VWDE: variants seen among roughly 807,000 people sequenced by gnomAD.
VWDE encodes the protein von Willebrand factor D and EGF domains, also known as von Willebrand factor D and EGF domain-containing protein.
Under a neutral mutation model 178.4 loss-of-function variants are expected in VWDE, and 207 were observed. That is an observed-to-expected ratio of 1.16 (90% confidence interval 1.04 to 1.30). The LOEUF is 1.30. VWDE is among the 50% of genes most tolerant of loss of function. The pLI, the probability that VWDE is intolerant of heterozygous loss-of-function variation, is 0.00. For synonymous variants in VWDE, 738 were observed against 651.4 expected (o/e 1.13, Z -2.02); for missense variants, 2,287 against 1,901.3 (o/e 1.20, Z -3.77).
intron 3 of VWDE, among the ~76,000 whole-genome samples, chr7:12,384,536 T>G (rs1287200911): frequency 1.3e-5 from 2 of 152,066 alleles, no homozygotes; most frequent in African/African-American, 2.4e-5. Flanking sequence ...TCATCAATTA[T>G]AACAAATGTA....
In VWDE at chr7:12,380,642, A is replaced by C. The variant is rs1054521024; in HGVS notation, c.633T>G (p.Ser211=). ...LIESRLFCRC[S]FDVPATKNSV... ...AGTTTTTTGTAGCGGGAACATCAAA[A>C]GAACACCTACAGAAAAGCCTGGACT... is the stretch of plus-strand genomic sequence containing the variant. Residue 211 remains serine (S), a synonymous_variant, in exon 5 of 29, where the codon TCT becomes TCG. Coordinates refer to ENST00000275358, the MANE Select transcript of VWDE (RefSeq NM_001135924.3). 4 of 1,552,162 alleles carry C rather than the reference A, an allele frequency of 2.6e-6. No homozygotes were observed. The highest frequency in any genetic ancestry group is 2.7e-5 in the African/African-American group (2 of 73,036).
At chr7:12,352,418 C>G in intron 18 of VWDE, among the ~76,000 whole-genome samples, 1 of 152,144 alleles carries the variant, frequency 6.6e-6, no homozygotes, top group African/African-American at 2.4e-5. Context: ...ACCAAAAGTC[C>G]TTTTGTATTA....
intron 13 of VWDE, among the ~76,000 whole-genome samples, chr7:12,361,850 G>T (rs1472062952): frequency 2.6e-5 from 4 of 151,882 alleles, no homozygotes; most frequent in Non-Finnish European, 5.9e-5. Flanking sequence ...GACACACAGT[G>T]GATTGATTTT....
At chr7:12,342,961 C>T in intron 22 of VWDE, 122 bp downstream of exon 22, 3 of 592,326 alleles carry the variant, frequency 5.1e-6, no homozygotes, top group South Asian at 2.3e-5. Flanking sequence ...CGATAGTTTA[C>T]AAGAACTATC....
intron 19 of VWDE, among the ~76,000 whole-genome samples, chr7:12,350,940 G>A (rs1781897513): frequency 1.3e-5 from 2 of 152,116 alleles, no homozygotes; most frequent in Admixed American, 1.3e-4. Flanking sequence ...TTGTCTGCCT[G>A]TAAAATCAAG....
chr7:12,345,528 C>G (rs1260756197), intron 19 of VWDE, among the ~76,000 whole-genome samples: 2 of 152,114 alleles, frequency 1.3e-5, no homozygotes, highest in Non-Finnish European at 2.9e-5. Context: ...TTGATCCAAA[C>G]TTTTCTGGCA....
intron 24 of VWDE, among the ~76,000 whole-genome samples, chr7:12,339,277 A>C (rs1384531774): frequency 4.6e-5 from 7 of 152,178 alleles, no homozygotes; most frequent in Admixed American, 4.6e-4. Flanking sequence ...ATTTTAGAGA[A>C]CTTTTCTTAC....
At chr7:12,332,912 A>G (rs1583263591) in intron 28 of VWDE, among the ~76,000 whole-genome samples, 2 of 152,156 alleles carry the variant, frequency 1.3e-5, no homozygotes, top group African/African-American at 4.8e-5. Flanking sequence ...TGACTTTTTA[A>G]ATTACAACTC....
chr7:12,391,919 AGAATGAACTCAC>A (rs1002411833), intron 2 of VWDE, among the ~76,000 whole-genome samples: 1 of 152,204 alleles, frequency 6.6e-6, no homozygotes, highest in African/African-American at 2.4e-5. Context: ...ATCGACTTTA[AGAATGAACTCAC>A]ACCCAAAAAG....
At chr7:12,356,448 T>TA in intron 17 of VWDE, 118 bp from the exon 18 acceptor site, 1 of 708,904 alleles carries the variant, frequency 1.4e-6, no homozygotes, top group South Asian at 1.9e-5. Flanking sequence ...ATCACTTATA[T>TA]TTGATATATA....
Position 12,377,787 on chromosome 7 carries a change from G to C in VWDE, c.1013C>G (p.Thr338Ser), listed in dbSNP as rs779571272. ...QECKISLKLK[T>S]IGQGREHLGL... is the part of the protein sequence containing the mutation. ...AGTTAGTATATTACCTTGACCAATAGTTTTCAGTTTTAATGAGATTTTGCA... is the reference window on the plus strand; with the variant it reads ...AGTTAGTATATTACCTTGACCAATACTTTTCAGTTTTAATGAGATTTTGCA... Residue 338 changes from threonine (T) to serine (S), a missense_variant, in exon 7 of 29, where the codon ACT (threonine) becomes AGT (serine). Transcript: ENST00000275358. The C allele has an allele frequency of 3.4e-6, 5 of 1,490,154 alleles. 1 individual carries two copies. The South Asian group carries it at 5.3e-5, about 16-fold the overall frequency. 92.3% of individuals were successfully genotyped at this position (1,490,154 alleles called of 1,614,324 possible). A position where few individuals can be genotyped will look rare whatever the true frequency, so the allele number is the denominator to read the frequency against.
Position 12,394,933 on chromosome 7 carries a change from A to G in VWDE, c.59-1155T>C, listed in dbSNP as rs528778223. Among the ~76,000 whole-genome samples, 244 of 152,294 alleles carry G rather than the reference A, an allele frequency of 1.6e-3. 1 individual carries two copies. The highest frequency in any genetic ancestry group is 5.5e-3 in the African/African-American group (230 of 41,578). On this transcript the variant is annotated intron_variant, in intron 1 of 28. Transcript: ENST00000275358. Reference sequence around the variant, plus strand: ...TAATAAGGAGAACAAAAAATCAGAGATACTAATTTACAAGTGGATCTCACA... The same window carrying G: ...TAATAAGGAGAACAAAAAATCAGAGGTACTAATTTACAAGTGGATCTCACA...
At position 12,369,747 on chromosome 7, in the gene VWDE, T is replaced by C. The variant is rs1783061818; in HGVS notation, c.2559A>G (p.Ala853=). The change falls in exon 12 of 29, where the codon GCA becomes GCG. Residue 853 remains alanine (A), a synonymous_variant. Coordinates refer to ENST00000275358, the MANE Select transcript of VWDE (RefSeq NM_001135924.3). The part of the protein sequence containing the change: ...LLKDDLSWAE[A]GVALLENECE... ...ATTCATTTTCTAAAAGGGCCACACC[T>C]GCTTCTGCCCAACTAAGATCATCTT... 1 of 1,551,494 alleles carries C rather than the reference T, an allele frequency of 6.4e-7. No homozygotes were observed. The highest frequency in any genetic ancestry group is 1.4e-5 in the African/African-American group (1 of 73,036).
intron 1 of VWDE, among the ~76,000 whole-genome samples, chr7:12,396,916 C>G (rs895780469): frequency 1.3e-5 from 2 of 152,046 alleles, no homozygotes; most frequent in Non-Finnish European, 2.9e-5. Flanking sequence ...GCCTGGGCAA[C>G]AAGAGTGAAA....
intron 18 of VWDE, among the ~76,000 whole-genome samples, 188 bp from the exon 19 acceptor site, chr7:12,351,901 A>G (rs968522458): frequency 2.6e-4 from 40 of 152,296 alleles, no homozygotes; most frequent in African/African-American, 5.5e-4. Flanking sequence ...CCTAAAATTC[A>G]TATGTTAAAT....
At chr7:12,354,639 T>A (rs987664443) in intron 18 of VWDE, among the ~76,000 whole-genome samples, 1 of 152,234 alleles carries the variant, frequency 6.6e-6, no homozygotes, top group Non-Finnish European at 1.5e-5. Context: ...ATGCTGTTTT[T>A]AAAACTTACT....
intron 1 of VWDE, among the ~76,000 whole-genome samples, chr7:12,402,478 T>C (rs1784948381): frequency 6.6e-6 from 1 of 152,194 alleles, no homozygotes; most frequent in Non-Finnish European, 1.5e-5. Context: ...ATGGGTAATA[T>C]TTGTCTTCAG....
At chr7:12,362,219 A>G (rs922953745) in intron 13 of VWDE, among the ~76,000 whole-genome samples, 24 of 66,776 alleles carry the variant, frequency 3.6e-4, no homozygotes, top group Middle Eastern at 5.7e-3. Context: ...TGAGACAAAC[A>G]TACACACACA....
At chr7:12,375,927 C>T (rs1783503562) in intron 7 of VWDE, among the ~76,000 whole-genome samples, 1 of 151,920 alleles carries the variant, frequency 6.6e-6, no homozygotes, top group African/African-American at 2.4e-5. Context: ...AACAGATTTG[C>T]CCCCAAAATT....
Sources: gnomAD v4.1 joint callset for allele counts (sites outside exome capture counted in the v4.1 genomes callset) on GRCh38, gnomAD v4.1.1 for gene constraint, MANE v1.5 for transcripts, NCBI Gene and HGNC (gene_info 2026-07-23, HGNC 2026-07-21) for gene names.